TARBP1: variants seen among roughly 807,000 people sequenced by gnomAD.
TARBP1 encodes the protein tRNA guanosine 2 -O-methyltransferase TARBP1, also known as tRNA (guanosine(18)-2'-O)-methyltransferase TARBP1.
A neutral mutation model predicts 178.6 loss-of-function variants in TARBP1; 144 were observed. That is an observed-to-expected ratio of 0.81 (90% CI 0.70 to 0.93). The LOEUF is 0.93. Among genes scored for constraint, TARBP1 ranks in the 40% least tolerant of loss-of-function variants. The pLI is 0.00. For synonymous variants in TARBP1, 787 were observed against 781.0 expected, an observed-to-expected ratio of 1.01 and a Z score of -0.13; for missense variants, 2,067 against 2,011.7, an observed-to-expected ratio of 1.03 and a Z score of -0.53.
rs1669872033 is a variant in TARBP1 at position 234,479,007 on chromosome 1, C to A, written c.97G>T (p.Val33Leu). The A allele has an allele frequency of 1.3e-6, 2 of 1,512,954 alleles. No individual in the cohort carries two copies. Among genetic ancestry groups the A allele is most frequent in the Non-Finnish European group, 1.8e-6 (2 of 1,142,396 alleles). The allele number at this position is 1,512,954 out of a possible 1,614,324, so 93.7% of individuals were successfully genotyped here. A position where few individuals can be genotyped will look rare whatever the true frequency, so the allele number is the denominator to read the frequency against. The change falls in exon 1 of 30, where the codon GTG becomes TTG. Residue 33 changes from valine to leucine, a missense_variant. Physicochemically the swap from Val to Leu is conservative, Grantham distance 32. Transcript: ENST00000040877. ...LCQGEASAER[V>L]ETLRFLLQRL... ...TGCAGAAGGAAGCGCAGCGTCTCCA[C>A]GCGCTCCGCGGATGCCTCCCCTTGG...
At position 234,391,493 on chromosome 1, in the gene TARBP1, A is replaced by G. The variant is rs1659357105; in HGVS notation, c.*84T>C. 7.2e-7 allele frequency: 1 copy of G among 1,385,722 alleles called. No individual in the cohort carries two copies. The highest frequency in any genetic ancestry group is 1.4e-5 in the African/African-American group (1 of 69,046). The allele number at this position is 1,385,722 out of a possible 1,614,324, so 85.8% of individuals were successfully genotyped here. Reference sequence around the variant, plus strand: ...AAAAAGAAATACAAATTATCACAATAAATTTCAGAATCTGTTTCTTTAGTC... The same window carrying G: ...AAAAAGAAATACAAATTATCACAATGAATTTCAGAATCTGTTTCTTTAGTC... On this transcript the variant is annotated 3_prime_UTR_variant, in exon 30 of 30. Coordinates refer to ENST00000040877, the MANE Select transcript of TARBP1 (RefSeq NM_005646.4).
chr1:234,446,896 C>T lies in TARBP1; in HGVS notation c.2041G>A (p.Ala681Thr), dbSNP rs778331253. ...LDVLMKFSTN[A>T]YMPLLKTDRC... ...TCAGTCTTCAGCAAGGGCATGTAGG[C>T]ATTGGTACTAAACTTCATAAGCACA... The change falls in exon 12 of 30, where the codon GCC becomes ACC. Residue 681 changes from alanine to threonine, a missense_variant. Ala to Thr is a moderately conservative substitution (Grantham distance 58). Transcript: ENST00000040877. 1.2e-6 allele frequency: 2 copies of T among 1,614,006 alleles called. No individual in the cohort carries two copies. Among genetic ancestry groups the T allele is most frequent in the Non-Finnish European group, 1.7e-6 (2 of 1,179,956 alleles).
intron 1 of TARBP1, among the ~76,000 whole-genome samples, chr1:234,473,363 G>A (rs560021497): frequency 6.6e-6 from 1 of 152,334 alleles, no homozygotes; most frequent in African/African-American, 2.4e-5. Flanking sequence ...CACATCCCCA[G>A]GCCACTTTCC....
chr1:234,472,713 C>A lies in TARBP1; in HGVS notation c.1029+1G>T. The A allele has an allele frequency of 1.9e-6, 3 of 1,567,738 alleles. No individual in the cohort carries two copies. The highest frequency in any genetic ancestry group is 2.6e-6 in the Non-Finnish European group (3 of 1,158,686). On this transcript the variant is annotated splice_donor_variant, in intron 2 of 29. Transcript: ENST00000040877. LOFTEE classifies it high-confidence loss of function. ...ATTTGCTAAAATAGAAAAACACTTACCTGATTTCCTTCTAAAGTCTCCATA... is the reference window on the plus strand; with the variant it reads ...ATTTGCTAAAATAGAAAAACACTTAACTGATTTCCTTCTAAAGTCTCCATA...
At chr1:234,418,271 T>C (rs760460393) in intron 21 of TARBP1, 38 bp from the exon 22 acceptor site, 3 of 1,502,788 alleles carry the variant, frequency 2.0e-6, no homozygotes, top group African/African-American at 2.9e-5. Context: ...GTTACAGTTA[T>C]TCATTTTAAT....
Position 234,457,761 on chromosome 1 carries a change from G to C in TARBP1, c.1633-5C>G. On this transcript the variant is annotated splice_polypyrimidine_tract_variant and splice_region_variant and intron_variant, in intron 8 of 29. Transcript: ENST00000040877. ...ATCAGAAAGTGACACTTTCTCCTGG[G>C]CAGGGCAGGAAAGGTTTTAAAAATT... 6.2e-7 allele frequency: 1 copy of C among 1,602,512 alleles called. No homozygotes were observed.
intron 14 of TARBP1, among the ~76,000 whole-genome samples, chr1:234,432,207 T>C (rs866592566): frequency 4.7e-5 from 7 of 150,468 alleles, no homozygotes; most frequent in African/African-American, 1.5e-4. Context: ...TTCAGGAGGC[T>C]GAGGCAGGCA....
chr1:234,410,383 TG>T, intron 23 of TARBP1, 61 bp downstream of exon 23: 1 of 1,026,420 alleles, frequency 9.7e-7, no homozygotes, highest in Non-Finnish European at 1.5e-6. Context: ...TATAAAAAAT[TG>T]GTACAAATAC....
intron 22 of TARBP1, among the ~76,000 whole-genome samples, chr1:234,412,796 G>C (rs1292990724): frequency 6.6e-6 from 1 of 152,244 alleles, no homozygotes; most frequent in Non-Finnish European, 1.5e-5. Flanking sequence ...AAGCAGGAAA[G>C]ACTGAAAAGG....
At position 234,398,388 on chromosome 1, in the gene TARBP1, C is replaced by A; in HGVS notation, c.4237G>T (p.Asp1413Tyr). The change falls in exon 26 of 30, where the codon GAC becomes TAC. Residue 1413 changes from aspartate (D) to tyrosine (Y), a missense_variant. Asp to Tyr is a radical substitution (Grantham distance 160). Transcript: ENST00000040877. ...AATGAAAATTATTTTTTACCTATGT[C>A]TTGCTGAGACCAGTCACCTGGTTTT... The part of the protein sequence containing the change: ...KLKPGDWSQQ[D>Y]IGTNLVEADN... 1 of 1,599,184 alleles carries A rather than the reference C, an allele frequency of 6.3e-7. No homozygotes were observed. Among genetic ancestry groups the A allele is most frequent in the South Asian group, 1.1e-5 (1 of 88,172 alleles).
chr1:234,472,436 T>C (rs114087913), intron 2 of TARBP1, among the ~76,000 whole-genome samples: 1 of 146,980 alleles, frequency 6.8e-6, no homozygotes, highest in African/African-American at 2.5e-5. Context: ...TACTTTATAA[T>C]AAGCCATTTG....
chr1:234,472,435 A>G (rs1462627828), intron 2 of TARBP1, among the ~76,000 whole-genome samples: 1 of 152,046 alleles, frequency 6.6e-6, no homozygotes, highest in Non-Finnish European at 1.5e-5. Flanking sequence ...ATACTTTATA[A>G]TAAGCCATTT....
rs1553285598 is a variant in TARBP1, at chr1:234,429,342, AAT to A, written c.2872-20_2872-19del. 2.6e-6 allele frequency: 4 copies of A among 1,568,106 alleles called. No individual in the cohort carries two copies. The highest frequency in any genetic ancestry group is 3.4e-6 in the Non-Finnish European group (4 of 1,164,436). Reference sequence around the variant, plus strand: ...GTCAGAAGCTGGTAGGAAAAAAAAAAATACATACTTATTTCAAAAACTTGATC... The same window carrying A: ...GTCAGAAGCTGGTAGGAAAAAAAAAAACATACTTATTTCAAAAACTTGATC... On this transcript the variant is annotated intron_variant, in intron 16 of 29. Coordinates refer to ENST00000040877, the MANE Select transcript of TARBP1 (RefSeq NM_005646.4).
At chr1:234,436,427 A>G (rs550409021) in intron 13 of TARBP1, among the ~76,000 whole-genome samples, 13 of 152,372 alleles carry the variant, frequency 8.5e-5, no homozygotes, top group African/African-American at 3.1e-4. Context: ...ACTAGAATTC[A>G]TATTAATGAT....
At chr1:234,467,374 G>T in intron 4 of TARBP1, 128 bp downstream of exon 4, 1 of 942,874 alleles carries the variant, frequency 1.1e-6, no homozygotes, top group Non-Finnish European at 1.5e-6. Flanking sequence ...TAGGAAAGCT[G>T]GGTTTAGAGA....
At chr1:234,435,899 G>A (rs550132672) in intron 13 of TARBP1, among the ~76,000 whole-genome samples, 1 of 152,274 alleles carries the variant, frequency 6.6e-6, no homozygotes, top group South Asian at 2.1e-4. Flanking sequence ...TACTACAGAG[G>A]CAGGCTCTTT....
rs1161145860 is a variant in TARBP1 at position 234,437,288 on chromosome 1, T to C, written c.2219A>G (p.Asn740Ser). The C allele has an allele frequency of 3.2e-6, 5 of 1,558,504 alleles. No individual in the cohort carries two copies. The highest frequency in any genetic ancestry group is 1.4e-5 in the African/African-American group (1 of 73,490). The change falls in exon 13 of 30, where the codon AAT (asparagine) becomes AGT (serine). Residue 740 changes from asparagine (N) to serine (S), a missense_variant. Physicochemically the swap from Asn to Ser is conservative, Grantham distance 46. Coordinates refer to ENST00000040877, the MANE Select transcript of TARBP1 (RefSeq NM_005646.4). The stretch of plus-strand genomic sequence containing the variant: ...CTGAATACTTACACTATTTAGCTCA[T>C]TCATAGTAAGTCTTCTGAGAATAAA... ...SEFILRRLTM[N>S]ELNSVSDLDR...
chr1:234,432,351 A>G (rs1664536344), intron 14 of TARBP1, among the ~76,000 whole-genome samples: 1 of 152,144 alleles, frequency 6.6e-6, no homozygotes. Context: ...TTGAGATAGG[A>G]GAACTGCTTG....
chr1:234,429,779 A>G (rs1664221493), intron 15 of TARBP1, 102 bp from the exon 16 acceptor site: 3 of 1,033,796 alleles, frequency 2.9e-6, no homozygotes, highest in African/African-American at 3.4e-5. Context: ...GGGGGGGGGC[A>G]GTGTACAGAT....
Sources: gnomAD v4.1 joint callset for allele counts (sites outside exome capture counted in the v4.1 genomes callset) on GRCh38, gnomAD v4.1.1 for gene constraint, MANE v1.5 for transcripts, NCBI Gene and HGNC (gene_info 2026-07-23, HGNC 2026-07-21) for gene names.